Variants in RGS6 observed in about 807,000 individuals in gnomAD.
The protein encoded by RGS6 is regulator of G-protein signaling 6.
RGS6 carries 30 observed loss-of-function variants against 78.5 expected under a neutral mutation model. The ratio of observed to expected loss-of-function variants is 0.38; its 90% confidence interval spans 0.29 to 0.52. RGS6 has a LOEUF of 0.52. Ranked by LOEUF, RGS6 falls within the 20% of genes least tolerant of loss-of-function variation. The pLI is 0.85. For synonymous variants in RGS6, 206 were observed against 206.0 expected (o/e 1.00, Z 0.00); for missense variants, 495 against 609.7 (o/e 0.81, Z 1.98).
chr14:72,075,025 A>G (rs988882487), intron 2 of RGS6, among the ~76,000 whole-genome samples: 1 of 152,208 alleles, frequency 6.6e-6, no homozygotes, highest in Non-Finnish European at 1.5e-5. Context: ...TGTAATGCAA[A>G]TAATGTTTTG....
the RGS6 span, among the ~76,000 whole-genome samples, chr14:71,922,229 A>C: frequency 6.6e-6 from 1 of 152,194 alleles, no homozygotes; most frequent in East Asian, 1.9e-4. Flanking sequence ...TCTTCCTCTC[A>C]CAATCCTCTT....
At chr14:72,420,964 C>T (rs868339669) in intron 3 of RGS6, 1 of 152,110 alleles carries the variant, frequency 6.6e-6, no homozygotes, top group Non-Finnish European at 1.5e-5. Flanking sequence ...TGAACTGCAC[C>T]CCAGGCGTGA....
chr14:71,926,695 A>G, the RGS6 span, among the ~76,000 whole-genome samples: 2 of 152,132 alleles, frequency 1.3e-5, no homozygotes, highest in Non-Finnish European at 2.9e-5. Flanking sequence ...TACCAGCAAA[A>G]GGACTTAAAT....
chr14:71,901,698 C>T, the RGS6 span, among the ~76,000 whole-genome samples: 1 of 152,196 alleles, frequency 6.6e-6, no homozygotes, highest in Admixed American at 6.5e-5. Flanking sequence ...CCTGTTCCCA[C>T]TCCCATCTCC....
chr14:72,333,106 C>G (rs1429679763), intron 2 of RGS6, among the ~76,000 whole-genome samples: 17 of 152,198 alleles, frequency 1.1e-4, no homozygotes. Context: ...GTCTATGGGA[C>G]TCCACCCCAC....
intron 2 of RGS6, among the ~76,000 whole-genome samples, chr14:72,104,880 C>T (rs185372015): frequency 4.5e-4 from 68 of 152,286 alleles, no homozygotes; most frequent in African/African-American, 1.6e-3. Flanking sequence ...TCAGGTTATG[C>T]CTGTTGGCTG....
chr14:72,030,980 ATTTTT>A (rs10581212), intron 2 of RGS6, among the ~76,000 whole-genome samples: 37 of 141,666 alleles, frequency 2.6e-4, no homozygotes, highest in Middle Eastern at 3.7e-3. Context: ...TTTAGCAACA[ATTTTT>A]TTTTTTTTTT....
rs181927413 is a variant in RGS6, at chr14:72,322,044, C to A, written c.85-30051C>A. On this transcript the variant is annotated intron_variant, in intron 2 of 17. Transcript: ENST00000553525. The stretch of plus-strand genomic sequence containing the variant: ...AATGATAATGATTATAACCACATTA[C>A]ATATCCTATGGGCTCAACTAAAGCA... Among the ~76,000 whole-genome samples the A allele has an allele frequency of 2.0e-3, 304 of 152,042 alleles. 3 individuals carry two copies. Among genetic ancestry groups the A allele is most frequent in the East Asian group, 1.2e-3 (6 of 5,188 alleles).
At chr14:72,260,170 G>A (rs1454338019) in intron 2 of RGS6, among the ~76,000 whole-genome samples, 1 of 152,174 alleles carries the variant, frequency 6.6e-6, no homozygotes, top group African/African-American at 2.4e-5. Flanking sequence ...TAGGCTCTAT[G>A]ATCTGGTGAC....
At chr14:72,306,985 C>T (rs936409546) in intron 2 of RGS6, among the ~76,000 whole-genome samples, 51 of 152,238 alleles carry the variant, frequency 3.4e-4, no homozygotes, top group African/African-American at 1.1e-3. Flanking sequence ...AGACTTATTT[C>T]ATGAAAGGAA....
chr14:72,407,195 G>T, intron 3 of RGS6, among the ~76,000 whole-genome samples: 1 of 152,196 alleles, frequency 6.6e-6, no homozygotes, highest in East Asian at 1.9e-4. Flanking sequence ...TGTGGTAAAA[G>T]AATGATAGTT....
the RGS6 span, among the ~76,000 whole-genome samples, chr14:71,924,043 C>T: frequency 1.2e-3 from 184 of 152,190 alleles, no homozygotes; most frequent in African/African-American, 3.7e-3. Context: ...ATTATTCATT[C>T]ATCCATTCAT....
chr14:72,111,633 G>T (rs1340589063), intron 2 of RGS6, among the ~76,000 whole-genome samples: 2 of 152,168 alleles, frequency 1.3e-5, no homozygotes, highest in African/African-American at 4.8e-5. Flanking sequence ...GCCAGGATCT[G>T]TTAGTCACTC....
chr14:72,353,592 A>T (rs2079566393), intron 3 of RGS6, among the ~76,000 whole-genome samples: 1 of 152,216 alleles, frequency 6.6e-6, no homozygotes, highest in Admixed American at 6.5e-5. Flanking sequence ...TGCAAAAGAC[A>T]ACAGGAGGGA....
intron 2 of RGS6, among the ~76,000 whole-genome samples, chr14:72,191,830 G>A (rs2097329912): frequency 6.6e-6 from 1 of 152,124 alleles, no homozygotes; most frequent in Non-Finnish European, 1.5e-5. Context: ...GCCTTTATAT[G>A]GGTTGTCCCC....
At chr14:72,018,290 G>A (rs535314140) in intron 2 of RGS6, among the ~76,000 whole-genome samples, 23 of 152,030 alleles carry the variant, frequency 1.5e-4, no homozygotes, top group South Asian at 1.0e-3. Context: ...TTAAACATAC[G>A]CAATTATATT....
intron 2 of RGS6, among the ~76,000 whole-genome samples, chr14:72,125,954 C>G (rs116597444): frequency 0.011 from 1,631 of 152,150 alleles, 23 homozygotes; most frequent in African/African-American, 0.037. Flanking sequence ...GAGATGTTAC[C>G]TATGAGGAAG....
intron 3 of RGS6, among the ~76,000 whole-genome samples, chr14:72,389,775 C>T (rs1048428414): frequency 6.6e-6 from 1 of 152,104 alleles, no homozygotes; most frequent in Non-Finnish European, 1.5e-5. Context: ...GAATCCACAA[C>T]AAAAAACTGT....
chr14:72,597,583 C>G, the RGS6 span, among the ~76,000 whole-genome samples: 1 of 152,170 alleles, frequency 6.6e-6, no homozygotes, highest in Non-Finnish European at 1.5e-5. Context: ...GAATCAGGCT[C>G]CTGACAGACG....
Sources: gnomAD v4.1 joint callset for allele counts (sites outside exome capture counted in the v4.1 genomes callset) on GRCh38, gnomAD v4.1.1 for gene constraint, MANE v1.5 for transcripts, NCBI Gene and HGNC (gene_info 2026-07-23, HGNC 2026-07-21) for gene names.